The following POM121 variants were observed in gnomAD, a reference collection of about 807,000 sequenced individuals.
POM121 encodes the protein POM121 transmembrane nucleoporin, also known as nuclear envelope pore membrane protein POM 121.
A neutral mutation model predicts 81.3 loss-of-function variants in POM121; 32 were observed. That is an observed-to-expected ratio of 0.39 (90% CI 0.30 to 0.53). The LOEUF (loss-of-function observed/expected upper bound fraction) is 0.53, where lower values mean the gene tolerates loss of function less well. Ranked by LOEUF, POM121 falls within the 20% of genes least tolerant of loss-of-function variation. The probability of loss-of-function intolerance (pLI) is 0.66; values close to 1 mark genes in which losing one functional copy is unlikely to be tolerated. For synonymous variants in POM121, 514 were observed against 694.2 expected (o/e 0.74, Z 4.08); for missense variants, 1,138 against 1,614.6 (o/e 0.70, Z 5.06).
intron 5 of POM121, among the ~76,000 whole-genome samples, chr7:72,931,112 T>C (rs1410888989): frequency 6.6e-6 from 1 of 152,134 alleles, no homozygotes; most frequent in East Asian, 1.9e-4. Flanking sequence ...AAATGAACAT[T>C]AATGACCGTA....
chr7:72,943,202 G>T lies in POM121; in HGVS notation c.3209G>T (p.Ser1070Ile). The T allele has an allele frequency of 4.3e-6, 7 of 1,613,188 alleles. No individual in the cohort carries two copies. Among genetic ancestry groups the T allele is most frequent in the Non-Finnish European group, 5.1e-6 (6 of 1,179,800 alleles). ...GCTGTCTTCTTCGGTGCAGCCACCA[G>T]CTCCGGCTTTGGAGCCACCACCCAG... ...STAVFFGAATSSGFGATTQTA... is the reference protein window; with the variant it reads ...STAVFFGAATISGFGATTQTA... The change falls in exon 11 of 13, where the codon AGC becomes ATC. Residue 1070 changes from serine to isoleucine, a missense_variant. This residue lies in a region of POM121 where 336 missense variants were observed against 344.3 expected (regional missense o/e 0.98). Coordinates refer to ENST00000434423, the MANE Select transcript of POM121 (RefSeq NM_001387691.1).
At chr7:72,948,306 G>C, downstream of POM121, 3 of 1,595,362 alleles carry the variant, frequency 1.9e-6, no homozygotes, top group Non-Finnish European at 2.6e-6. Flanking sequence ...CGTAGAGTAC[G>C]TTCTGCATTT....
rs539436885 is a variant in POM121, at chr7:72,918,629, C to G, written c.-152+4801C>G. On this transcript the variant is annotated intron_variant, in intron 4 of 15. Transcript: ENST00000395270. ...TTGTTGTTTTATATATTTTATTATACTGGAACAGCTCGTGCCCTCGGTCTC... is the reference window on the plus strand; with the variant it reads ...TTGTTGTTTTATATATTTTATTATAGTGGAACAGCTCGTGCCCTCGGTCTC... 7.2e-5 allele frequency among the ~76,000 whole-genome samples: 11 copies of G among 152,244 alleles called. 1 individual carries two copies. In the South Asian group the frequency reaches 2.3e-3, roughly 32 times the overall value.
intron 3 of POM121, among the ~76,000 whole-genome samples, chr7:72,899,093 T>C (rs746862786): frequency 4.7e-5 from 7 of 148,188 alleles, no homozygotes; most frequent in Admixed American, 1.4e-4. Flanking sequence ...AGCAATTCTC[T>C]GGCCTCAGCC....
intron 3 of POM121, among the ~76,000 whole-genome samples, chr7:72,910,243 C>T (rs563655575): frequency 6.6e-6 from 1 of 152,050 alleles, no homozygotes; most frequent in East Asian, 1.9e-4. Context: ...TCCTTCCCTT[C>T]CTTCCTTTCT....
chr7:72,937,783 G>A (rs1338546665), intron 5 of POM121, among the ~76,000 whole-genome samples: 1 of 152,190 alleles, frequency 6.6e-6, no homozygotes, highest in African/African-American at 2.4e-5. Flanking sequence ...GGTCTGTGGA[G>A]GAAGCAGAGA....
chr7:72,949,218 A>G, downstream of POM121: 2 of 931,890 alleles, frequency 2.1e-6, no homozygotes, highest in Non-Finnish European at 1.8e-6. Context: ...TCCCAAGCCC[A>G]TTAAAGTGTC....
upstream of POM121, among the ~76,000 whole-genome samples, chr7:72,920,524 T>C (rs1405017384): frequency 6.6e-6 from 1 of 151,912 alleles, no homozygotes; most frequent in East Asian, 1.9e-4. Flanking sequence ...CCAGCTGATT[T>C]TTTGTATTTT....
chr7:72,945,763 G>A (rs1213920566), intron 12 of POM121, 55 bp downstream of exon 12: 30 of 1,566,468 alleles, frequency 1.9e-5, no homozygotes, highest in African/African-American at 8.1e-5. Flanking sequence ...GGGGTTGGGC[G>A]GGGTGGCAGG....
At position 72,925,184 on chromosome 7, in the gene POM121, G is replaced by C; in HGVS notation, c.63G>C (p.Arg21Ser). Residue 21 changes from arginine to serine, a missense_variant, in exon 1 of 13, where the codon AGG becomes AGC. Physicochemically the swap from Arg to Ser is moderately radical, Grantham distance 110. Transcript: ENST00000434423. Reference protein sequence around the residue: ...GERRRPIASVRDGRGRGCGGP... With the variant: ...GERRRPIASVSDGRGRGCGGP... ...GGCGGCGGCCCATAGCGAGTGTCAG[G>C]GACGGCCGGGGCCGGGGCTGCGGCG... 2 of 1,516,536 alleles carry C rather than the reference G, an allele frequency of 1.3e-6. No individual in the cohort carries two copies. The highest frequency in any genetic ancestry group is 2.0e-5 in the Admixed American group (1 of 49,356). The allele number at this position is 1,516,536 out of a possible 1,614,324, so 93.9% of individuals were successfully genotyped here. A position where few individuals can be genotyped will look rare whatever the true frequency, so the allele number is the denominator to read the frequency against.
At chr7:72,916,625 C>G (rs1318974398) in intron 4 of POM121, among the ~76,000 whole-genome samples, 1 of 152,108 alleles carries the variant, frequency 6.6e-6, no homozygotes, top group Non-Finnish European at 1.5e-5. Context: ...GTTCTTTTTG[C>G]TTAGTATTGT....
chr7:72,938,415 T>A (rs569916167), intron 5 of POM121, among the ~76,000 whole-genome samples, 175 bp from the exon 6 acceptor site: 7 of 152,198 alleles, frequency 4.6e-5, no homozygotes, highest in African/African-American at 1.7e-4. Flanking sequence ...GGGCTCAAAT[T>A]CCTGGGCTCA....
At chr7:72,945,889 T>C (rs1797641821) in intron 12 of POM121, among the ~76,000 whole-genome samples, 181 bp downstream of exon 12, 1 of 152,046 alleles carries the variant, frequency 6.6e-6, no homozygotes, top group South Asian at 2.1e-4. Flanking sequence ...AGAGAGGAGC[T>C]GTCCGGGGTG....
At chr7:72,888,054 G>T (rs1405186265) in intron 1 of POM121, among the ~76,000 whole-genome samples, 1 of 152,094 alleles carries the variant, frequency 6.6e-6, no homozygotes, top group Non-Finnish European at 1.5e-5. Context: ...TGTAGAGACA[G>T]GGTCTTGCTA....
At chr7:72,909,335 G>GT (rs1186827244) in intron 3 of POM121, among the ~76,000 whole-genome samples, 1 of 152,170 alleles carries the variant, frequency 6.6e-6, no homozygotes, top group Non-Finnish European at 1.5e-5. Flanking sequence ...GTTACCATCT[G>GT]TTGATTGTCT....
At chr7:72,882,669 G>C (rs1790278804) in intron 1 of POM121, among the ~76,000 whole-genome samples, 1 of 152,086 alleles carries the variant, frequency 6.6e-6, no homozygotes, top group Admixed American at 6.6e-5. Context: ...TAGATCATGG[G>C]GGGAATGAAT....
intron 5 of POM121, among the ~76,000 whole-genome samples, chr7:72,938,303 T>C (rs1796718130): frequency 6.6e-6 from 1 of 151,668 alleles, no homozygotes; most frequent in Non-Finnish European, 1.5e-5. Flanking sequence ...CTCAGCTCAC[T>C]GCAGCATCCT....
Position 72,925,572 on chromosome 7 carries a change from G to C in POM121, c.451G>C (p.Ala151Pro). 2 of 1,531,372 alleles carry C rather than the reference G, an allele frequency of 1.3e-6. No homozygotes were observed. The highest frequency in any genetic ancestry group is 1.7e-6 in the Non-Finnish European group (2 of 1,145,696). 94.9% of individuals were successfully genotyped at this position (1,531,372 alleles called of 1,614,324 possible). A position where few individuals can be genotyped will look rare whatever the true frequency, so the allele number is the denominator to read the frequency against. The change falls in exon 1 of 13, where the codon GCC becomes CCC. Residue 151 changes from alanine (A) to proline (P), a missense_variant. Ala to Pro is a conservative substitution (Grantham distance 27). Coordinates refer to ENST00000434423, the MANE Select transcript of POM121 (RefSeq NM_001387691.1). ...CAAGCCCGGGCCGCCGCAGCCCGCC[G>C]CCGCTCCGGAGGGCCAGGACCTGCG... is the stretch of plus-strand genomic sequence containing the variant. ...LGKPGPPQPA[A>P]APEGQDLRDR...
At chr7:72,948,428 A>C (rs199951922), downstream of POM121, 878 of 1,613,326 alleles carry the variant, frequency 5.4e-4, 6 homozygotes, top group Middle Eastern at 1.8e-3. Flanking sequence ...AGGGTCTTCC[A>C]CGGAGAGGAC....
Sources: allele counts gnomAD v4.1 joint callset (sites outside exome capture counted in the v4.1 genomes callset), GRCh38; gene constraint gnomAD v4.1.1; regional missense constraint gnomAD v4.1.1; transcripts MANE v1.5; gene names NCBI Gene and HGNC (gene_info 2026-07-23, HGNC 2026-07-21).